Variants in N4BP2 observed in about 807,000 individuals in gnomAD.
The protein encoded by N4BP2 is NEDD4-binding protein 2.
Under a neutral mutation model 152.8 loss-of-function variants are expected in N4BP2, and 91 were observed. That is an observed-to-expected ratio of 0.60 (90% CI 0.50 to 0.71). The LOEUF (loss-of-function observed/expected upper bound fraction) is 0.71. Ranked by LOEUF, N4BP2 falls within the 30% of genes least tolerant of loss-of-function variation. The pLI, the probability that N4BP2 is intolerant of heterozygous loss-of-function variation, is 0.00. For missense variants in N4BP2, 1,923 were observed against 2,059.1 expected, an observed-to-expected ratio of 0.93 and a Z score of 1.28; for synonymous variants, 646 against 705.3, an observed-to-expected ratio of 0.92 and a Z score of 1.33.
intron 1 of N4BP2, among the ~76,000 whole-genome samples, chr4:40,070,426 C>T (rs1712034383): frequency 6.6e-6 from 1 of 152,072 alleles, no homozygotes; most frequent in Non-Finnish European, 1.5e-5. Context: ...GCAAAATTAC[C>T]AGTAATTCCC....
the N4BP2 span, among the ~76,000 whole-genome samples, chr4:40,173,876 C>CT: frequency 3.3e-5 from 5 of 152,096 alleles, no homozygotes; most frequent in Non-Finnish European, 5.9e-5. Context: ...TTTCTCATTT[C>CT]TTTTTTTCTT....
intron 4 of N4BP2, among the ~76,000 whole-genome samples, chr4:40,105,092 A>G (rs751800641): frequency 2.0e-5 from 3 of 152,018 alleles, no homozygotes; most frequent in South Asian, 2.1e-4. Context: ...GTGAGCCACC[A>G]CGCCCAACAA....
intron 3 of N4BP2, among the ~76,000 whole-genome samples, chr4:40,100,515 GGTA>G: frequency 6.6e-6 from 1 of 151,832 alleles, no homozygotes; most frequent in Admixed American, 6.6e-5. Context: ...CTATGTGGCT[GGTA>G]CTATACGCAC....
chr4:40,174,518 G>T, the N4BP2 span, among the ~76,000 whole-genome samples: 2 of 151,948 alleles, frequency 1.3e-5, no homozygotes, highest in African/African-American at 4.8e-5. Flanking sequence ...TAAAAAAACT[G>T]CTGGCCAGGT....
In N4BP2 at chr4:40,106,940, A is replaced by G. The variant is rs368169013; in HGVS notation, c.1414A>G (p.Thr472Ala). ...TAATCCAAGTGGAGTCATTCTTAGTACTGATGATTATTTTTATATAAATGG... is the reference window on the plus strand; with the variant it reads ...TAATCCAAGTGGAGTCATTCTTAGTGCTGATGATTATTTTTATATAAATGG... ...EDNPSGVILS[T>A]DDYFYINGQY... The change falls in exon 5 of 18, where the codon ACT becomes GCT. Residue 472 changes from threonine (T) to alanine (A), a missense_variant. Coordinates refer to ENST00000261435, the MANE Select transcript of N4BP2 (RefSeq NM_018177.6). The G allele has an allele frequency of 9.9e-6, 16 of 1,611,908 alleles. No homozygotes were observed. Among genetic ancestry groups the G allele is most frequent in the Non-Finnish European group, 1.2e-5 (14 of 1,178,196 alleles).
rs747259299 is a variant in N4BP2, at chr4:40,152,857, C to T, written c.5221C>T (p.Arg1741Cys). 22 of 1,613,922 alleles carry T rather than the reference C, an allele frequency of 1.4e-5. No homozygotes were observed. In the East Asian group the frequency reaches 2.7e-4, roughly 20 times the overall value. The change falls in exon 17 of 18, where the codon CGC (arginine) becomes TGC (cysteine). Residue 1741 changes from arginine (R) to cysteine (C), a missense_variant. Coordinates refer to ENST00000261435, the MANE Select transcript of N4BP2 (RefSeq NM_018177.6). ...RGNHSQGGVA[R>C]IKPAVIKYLI... ...AAACCACAGCCAGGGAGGAGTTGCT[C>T]GCATCAAACCAGCTGTCATTAAGTA...
At chr4:40,100,417 C>T (rs1715528017) in intron 3 of N4BP2, among the ~76,000 whole-genome samples, 1 of 145,470 alleles carries the variant, frequency 6.9e-6, no homozygotes, top group African/African-American at 2.8e-5. Context: ...CACTCAGTCG[C>T]CCAGGCTGGA....
At chr4:40,170,848 A>G in the N4BP2 span, among the ~76,000 whole-genome samples, 16 of 152,296 alleles carry the variant, frequency 1.1e-4, no homozygotes, top group South Asian at 1.7e-3. Context: ...GTGCAATTGT[A>G]TTTCACATAT....
intron 2 of N4BP2, among the ~76,000 whole-genome samples, chr4:40,092,013 TATATATATATATATATA>T (rs1714637664): frequency 9.2e-5 from 5 of 54,158 alleles, no homozygotes; most frequent in South Asian, 1.3e-3. Flanking sequence ...AAAAATTATA[TATATATATATATATATA>T]TATATATATA....
chr4:40,145,564 G>A lies in N4BP2; in HGVS notation c.5143+764G>A, dbSNP rs144255226. ...AATCTTGTAGAAAATCTAGAAAACA[G>A]TAAAGATTAGAAAAGAGAAACTTTA... On this transcript the variant is annotated intron_variant, in intron 16 of 17. Transcript: ENST00000261435. Among the ~76,000 whole-genome samples, 359 of 152,272 alleles carry A rather than the reference G, an allele frequency of 2.4e-3. 1 individual carries two copies. The highest frequency in any genetic ancestry group is 8.2e-3 in the African/African-American group (340 of 41,560).
intron 2 of N4BP2, among the ~76,000 whole-genome samples, chr4:40,092,465 A>C (rs1714700007): frequency 6.6e-6 from 1 of 151,896 alleles, no homozygotes; most frequent in Non-Finnish European, 1.5e-5. Context: ...GATATCTGCA[A>C]GGTCTATAGT....
At chr4:40,105,084 G>A (rs942851277) in intron 4 of N4BP2, among the ~76,000 whole-genome samples, 2 of 152,130 alleles carry the variant, frequency 1.3e-5, no homozygotes, top group African/African-American at 2.4e-5. Flanking sequence ...TTACAGGCGT[G>A]AGCCACCACG....
At chr4:40,128,956 T>G (rs1384140845) in intron 12 of N4BP2, among the ~76,000 whole-genome samples, 2 of 152,258 alleles carry the variant, frequency 1.3e-5, no homozygotes, top group Admixed American at 1.3e-4. Flanking sequence ...CTACCCTCCC[T>G]TTAATATCTT....
intron 1 of N4BP2, among the ~76,000 whole-genome samples, chr4:40,068,857 G>A (rs1260411368): frequency 6.6e-6 from 1 of 152,160 alleles, no homozygotes; most frequent in East Asian, 1.9e-4. Flanking sequence ...AGTGGCTCAC[G>A]CCTGTAATCT....
chr4:40,069,190 C>T (rs1263016018), intron 1 of N4BP2, among the ~76,000 whole-genome samples: 1 of 151,958 alleles, frequency 6.6e-6, no homozygotes, highest in Non-Finnish European at 1.5e-5. Flanking sequence ...GTAATGCCAG[C>T]CCTTTGGGAG....
intron 1 of N4BP2, among the ~76,000 whole-genome samples, chr4:40,064,104 T>A (rs1032527638): frequency 2.0e-5 from 3 of 152,138 alleles, no homozygotes; most frequent in African/African-American, 7.2e-5. Flanking sequence ...CCTCATCCAC[T>A]GTAATTCTTA....
the N4BP2 span, among the ~76,000 whole-genome samples, chr4:40,175,957 G>A: frequency 6.6e-6 from 1 of 151,910 alleles, no homozygotes; most frequent in Non-Finnish European, 1.5e-5. Flanking sequence ...GGGCGCGGTG[G>A]CGGGCGCCTG....
At chr4:40,117,575 AT>A (rs1717461152) in intron 7 of N4BP2, among the ~76,000 whole-genome samples, 1 of 152,226 alleles carries the variant, frequency 6.6e-6, no homozygotes, top group Non-Finnish European at 1.5e-5. Context: ...AATAAAAAAC[AT>A]TTTTGAAAAA....
rs1715845951 is a variant in N4BP2 at position 40,102,950 on chromosome 4, G to C, written c.1105G>C (p.Ala369Pro). The change falls in exon 4 of 18, where the codon GCT becomes CCT. Residue 369 changes from alanine (A) to proline (P), a missense_variant. Ala to Pro is a conservative substitution (Grantham distance 27). Transcript: ENST00000261435. ...PPPMWNPMIP[A>P]FDLFQGNHGF... Reference sequence around the variant, plus strand: ...ACCGATGTGGAATCCAATGATTCCTGCTTTTGACCTCTTCCAAGGAAACCA... The same window carrying C: ...ACCGATGTGGAATCCAATGATTCCTCCTTTTGACCTCTTCCAAGGAAACCA... 3.1e-6 allele frequency: 5 copies of C among 1,614,176 alleles called. No individual in the cohort carries two copies. The highest frequency in any genetic ancestry group is 4.2e-6 in the Non-Finnish European group (5 of 1,180,036).
Sources: allele counts gnomAD v4.1 joint callset (sites outside exome capture counted in the v4.1 genomes callset), GRCh38; gene constraint gnomAD v4.1.1; transcripts MANE v1.5; gene names NCBI Gene and HGNC (gene_info 2026-07-23, HGNC 2026-07-21).